The following COLEC10 variants were observed in gnomAD, a reference collection of about 807,000 sequenced individuals.
COLEC10 encodes the protein collectin subfamily member 10, also known as collectin-10.
Under a neutral mutation model 28.4 loss-of-function variants are expected in COLEC10, and 22 were observed. That is an observed-to-expected ratio of 0.78 (90% CI 0.55 to 1.11). The LOEUF is 1.11. COLEC10 is among the 50% of genes least tolerant of loss of function. COLEC10 has a pLI of 0.00. For synonymous variants in COLEC10, 125 were observed against 116.1 expected (o/e 1.08, Z -0.49); for missense variants, 361 against 344.1 (o/e 1.05, Z -0.39).
intron 2 of COLEC10, among the ~76,000 whole-genome samples, chr8:119,015,868 C>G (rs1813982716): frequency 6.6e-6 from 1 of 152,040 alleles, no homozygotes; most frequent in Non-Finnish European, 1.5e-5. Context: ...AATGGCCAAG[C>G]TTTGCTTTAT....
At chr8:119,018,308 G>C (rs1217794716) in intron 2 of COLEC10, among the ~76,000 whole-genome samples, 1 of 152,098 alleles carries the variant, frequency 6.6e-6, no homozygotes, top group Non-Finnish European at 1.5e-5. Flanking sequence ...TTTTCTGTGT[G>C]TTCTTAAAGG....
At position 119,017,841 on chromosome 8, in the gene COLEC10, A is replaced by G. The variant is rs187639654; in HGVS notation, n.235+8288A>G. ...TCAATAAATAATTATTAAACAATGTATAGCTAAAAATAACTTCCTGAGATA... is the reference window on the plus strand; with the variant it reads ...TCAATAAATAATTATTAAACAATGTGTAGCTAAAAATAACTTCCTGAGATA... On this transcript the variant is annotated intron_variant and non_coding_transcript_variant, in intron 2 of 6. Transcript: ENST00000521788. Among the ~76,000 whole-genome samples the G allele has an allele frequency of 2.2e-4, 33 of 152,312 alleles. 1 individual carries two copies. The highest frequency in any genetic ancestry group is 2.2e-3 in the Admixed American group (33 of 15,286).
At chr8:119,089,433 A>T (rs2130277535) in intron 1 of COLEC10, among the ~76,000 whole-genome samples, 1 of 152,326 alleles carries the variant, frequency 6.6e-6, no homozygotes, top group South Asian at 2.1e-4. Context: ...AAACATCACA[A>T]TTCAGCAACA....
intron 2 of COLEC10, among the ~76,000 whole-genome samples, chr8:119,046,852 T>C (rs1379676540): frequency 6.6e-6 from 1 of 152,218 alleles, no homozygotes; most frequent in Non-Finnish European, 1.5e-5. Flanking sequence ...AAATTTTATC[T>C]AAACATGATC....
At chr8:119,078,857 T>A (rs964273909) in intron 1 of COLEC10, among the ~76,000 whole-genome samples, 3 of 152,198 alleles carry the variant, frequency 2.0e-5, no homozygotes, top group Admixed American at 1.3e-4. Context: ...ATAACAATAC[T>A]ACACTTTCTC....
At chr8:119,032,701 A>T (rs1418585267) in intron 2 of COLEC10, among the ~76,000 whole-genome samples, 2 of 152,130 alleles carry the variant, frequency 1.3e-5, no homozygotes, top group Non-Finnish European at 2.9e-5. Context: ...GGAGATTGAG[A>T]CCACCCTGGC....
chr8:119,074,575 C>A (rs1037920241), intron 1 of COLEC10, among the ~76,000 whole-genome samples: 8 of 152,174 alleles, frequency 5.3e-5, no homozygotes, highest in African/African-American at 1.9e-4. Flanking sequence ...ACAGCTCTCT[C>A]CCCCATTCCT....
intron 1 of COLEC10, among the ~76,000 whole-genome samples, chr8:119,080,486 A>G (rs1815346810): frequency 6.6e-6 from 1 of 152,196 alleles, no homozygotes; most frequent in Non-Finnish European, 1.5e-5. Flanking sequence ...AGAAAATAGT[A>G]ACAAGGAACC....
chr8:118,985,022 C>G, the COLEC10 span, among the ~76,000 whole-genome samples: 1 of 151,992 alleles, frequency 6.6e-6, no homozygotes, highest in Non-Finnish European at 1.5e-5. Context: ...TCCAAGGAGT[C>G]CCTCACACAA....
chr8:118,999,348 T>A (rs184599161), intron 1 of COLEC10, among the ~76,000 whole-genome samples: 1 of 152,098 alleles, frequency 6.6e-6, no homozygotes, highest in African/African-American at 2.4e-5. Flanking sequence ...CCCAGCACTT[T>A]GGGAGGCTGA....
intron 3 of COLEC10, among the ~76,000 whole-genome samples, chr8:119,100,829 A>C (rs16892015): frequency 0.032 from 4,904 of 152,164 alleles, 120 homozygotes; most frequent in South Asian, 0.11. Context: ...TGCACATGTA[A>C]ACTGTATTCT....
intron 2 of COLEC10, among the ~76,000 whole-genome samples, chr8:119,026,010 T>G (rs548874260): frequency 3.3e-5 from 5 of 152,306 alleles, no homozygotes; most frequent in South Asian, 2.1e-4. Flanking sequence ...TTTTATCTTT[T>G]CTCAATACCT....
At position 119,015,199 on chromosome 8, in the gene COLEC10, T is replaced by A. The variant is rs547276720; in HGVS notation, n.235+5646T>A. Among the ~76,000 whole-genome samples, 23 of 151,122 alleles carry A rather than the reference T, an allele frequency of 1.5e-4. No homozygotes were observed. The South Asian group carries it at 4.8e-3, about 31-fold the overall frequency. On this transcript the variant is annotated intron_variant and non_coding_transcript_variant, in intron 2 of 6. Coordinates refer to the COLEC10 transcript ENST00000521788. ...TGCTCTTAGTAGGCCTTTAGTAATG[T>A]GGTGATATGGTGGGGAGGTGAAGCA...
intron 1 of COLEC10, among the ~76,000 whole-genome samples, chr8:119,083,235 A>G (rs2130260945): frequency 6.6e-6 from 1 of 152,266 alleles, no homozygotes; most frequent in East Asian, 1.9e-4. Flanking sequence ...CCCTGTAATG[A>G]CTGTAATGTG....
upstream of COLEC10, among the ~76,000 whole-genome samples, chr8:119,066,368 C>A (rs1814962995): frequency 6.6e-6 from 1 of 152,164 alleles, no homozygotes; most frequent in African/African-American, 2.4e-5. Context: ...GTATCTATAT[C>A]TGTATCTGAT....
chr8:118,963,929 C>T, the COLEC10 span, among the ~76,000 whole-genome samples: 1 of 152,044 alleles, frequency 6.6e-6, no homozygotes, highest in African/African-American at 2.4e-5. Flanking sequence ...ATGAGCCTTG[C>T]CCTCCTTGGG....
chr8:119,068,020 T>C (rs1396191532), intron 1 of COLEC10: 1 of 152,162 alleles, frequency 6.6e-6, no homozygotes, highest in Non-Finnish European at 1.5e-5. Context: ...TGGTAGAATA[T>C]TGCAAAATGT....
rs767280625 is a variant in COLEC10, at chr8:119,105,995, A to G, written c.638A>G (p.Asp213Gly). 9 of 1,613,778 alleles carry G rather than the reference A, an allele frequency of 5.6e-6. No homozygotes were observed. The highest frequency in any genetic ancestry group is 1.7e-4 in the Middle Eastern group (1 of 6,056). ...GFFRVFIGVN[D>G]LEREGQYMFT... Reference sequence around the variant, plus strand: ...TTTCGGGTGTTCATTGGCGTGAATGACCTTGAAAGGGAGGGACAGTACATG... The same window carrying G: ...TTTCGGGTGTTCATTGGCGTGAATGGCCTTGAAAGGGAGGGACAGTACATG... Residue 213 changes from aspartate to glycine, a missense_variant, in exon 6 of 6, where the codon GAC (aspartate) becomes GGC (glycine). Physicochemically the swap from Asp to Gly is moderately conservative, Grantham distance 94. Transcript: ENST00000332843.
intron 2 of COLEC10, among the ~76,000 whole-genome samples, chr8:119,058,194 G>A (rs550967809): frequency 6.6e-6 from 1 of 152,044 alleles, no homozygotes; most frequent in South Asian, 2.1e-4. Flanking sequence ...AACACTACTC[G>A]AGAATTATAA....
Sources: allele counts gnomAD v4.1 joint callset (sites outside exome capture counted in the v4.1 genomes callset), GRCh38; gene constraint gnomAD v4.1.1; transcripts MANE v1.5; gene names NCBI Gene and HGNC (gene_info 2026-07-23, HGNC 2026-07-21).